PCSK2: variants seen among roughly 807,000 people sequenced by gnomAD.
PCSK2 encodes neuroendocrine convertase 2.
In PCSK2, 14 loss-of-function variants were observed where a neutral mutation model predicts 69.7. The observed-to-expected ratio is 0.20, with a 90% CI of 0.13 to 0.31. The LOEUF is 0.31. Ranked by LOEUF, PCSK2 falls within the 10% of genes least tolerant of loss-of-function variation. The pLI is 1.00. For synonymous variants in PCSK2, 307 were observed against 320.7 expected (o/e 0.96, Z 0.46); for missense variants, 544 against 842.5 (o/e 0.65, Z 4.39).
chr20:17,259,179 T>C (rs958351583), intron 1 of PCSK2, among the ~76,000 whole-genome samples: 12 of 152,170 alleles, frequency 7.9e-5, no homozygotes, highest in Non-Finnish European at 1.8e-4. Context: ...ACCAAAACTT[T>C]CAATAGCCAA....
intron 2 of PCSK2, among the ~76,000 whole-genome samples, chr20:17,341,798 A>G (rs571151974): frequency 6.6e-6 from 1 of 152,210 alleles, no homozygotes; most frequent in Non-Finnish European, 1.5e-5. Context: ...GAATAACCAC[A>G]TGTGCTCTCA....
At chr20:17,236,428 T>A (rs1377861237) in intron 1 of PCSK2, among the ~76,000 whole-genome samples, 1 of 152,160 alleles carries the variant, frequency 6.6e-6, no homozygotes. Context: ...CTTATTTAAT[T>A]ACATAATTCA....
At chr20:17,270,320 G>T (rs17702654) in intron 2 of PCSK2, among the ~76,000 whole-genome samples, 2 of 152,002 alleles carry the variant, frequency 1.3e-5, no homozygotes, top group African/African-American at 4.8e-5. Flanking sequence ...AGGTTTCACG[G>T]TCTTAAAGCC....
chr20:17,479,206 A>G, intron 11 of PCSK2: 2 of 1,371,646 alleles, frequency 1.5e-6, no homozygotes, highest in Non-Finnish European at 2.1e-6. Flanking sequence ...CGAAAGCCAT[A>G]TGCGCTCTTC....
At chr20:17,442,356 C>T (rs2032615584) in intron 8 of PCSK2, among the ~76,000 whole-genome samples, 1 of 151,890 alleles carries the variant, frequency 6.6e-6, no homozygotes, top group African/African-American at 2.4e-5. Context: ...AGTTTGTGGT[C>T]CTTTGGTTGT....
At chr20:17,374,428 C>A (rs1178150981) in intron 5 of PCSK2, among the ~76,000 whole-genome samples, 1 of 152,116 alleles carries the variant, frequency 6.6e-6, no homozygotes, top group African/African-American at 2.4e-5. Context: ...GCTTTCAGGG[C>A]ATGGAGGTGG....
chr20:17,389,923 C>G (rs547304764), intron 5 of PCSK2, among the ~76,000 whole-genome samples: 1 of 152,134 alleles, frequency 6.6e-6, no homozygotes, highest in East Asian at 1.9e-4. Flanking sequence ...AGTATGTACT[C>G]AAGAGAAACA....
chr20:17,258,102 G>A (rs1216131954), intron 1 of PCSK2, among the ~76,000 whole-genome samples: 2 of 152,280 alleles, frequency 1.3e-5, no homozygotes, highest in Non-Finnish European at 2.9e-5. Context: ...CAATTATTTA[G>A]GGATGGAGCT....
At chr20:17,403,850 AG>A (rs1185335933) in intron 5 of PCSK2, among the ~76,000 whole-genome samples, 1 of 152,188 alleles carries the variant, frequency 6.6e-6, no homozygotes, top group East Asian at 1.9e-4. Context: ...AATTTCCTTG[AG>A]GTCGGGTTTG....
At position 17,342,257 on chromosome 20, in the gene PCSK2, A is replaced by G. The variant is rs143600472; in HGVS notation, c.283-16070A>G. ...ATTGTTGAGATGGTGTTATTATTCCATGCTTACTTATTTAGAATGCATTTA... is the reference window on the plus strand; with the variant it reads ...ATTGTTGAGATGGTGTTATTATTCCGTGCTTACTTATTTAGAATGCATTTA... On this transcript the variant is annotated intron_variant, in intron 2 of 11. Transcript: ENST00000262545. 1.2e-4 allele frequency among the ~76,000 whole-genome samples: 18 copies of G among 152,346 alleles called. No homozygotes were observed. In the East Asian group the frequency reaches 3.5e-3, roughly 29 times the overall value.
intron 2 of PCSK2, among the ~76,000 whole-genome samples, chr20:17,292,824 TG>T (rs1281955098): frequency 1.3e-5 from 2 of 152,052 alleles, no homozygotes; most frequent in South Asian, 2.1e-4. Flanking sequence ...TTTTCTGGGG[TG>T]TTTTTTTTTA....
At chr20:17,257,759 AG>A (rs1265668057) in intron 1 of PCSK2, among the ~76,000 whole-genome samples, 2 of 152,222 alleles carry the variant, frequency 1.3e-5, no homozygotes, top group Non-Finnish European at 2.9e-5. Flanking sequence ...AGTCAACTAA[AG>A]GTGAGCACTT....
At chr20:17,333,044 A>G (rs554768628) in intron 2 of PCSK2, among the ~76,000 whole-genome samples, 2 of 152,162 alleles carry the variant, frequency 1.3e-5, no homozygotes, top group South Asian at 2.1e-4. Context: ...AGATTAGATA[A>G]TAGTATTGTA....
chr20:17,318,902 T>A (rs1367548827), intron 2 of PCSK2, among the ~76,000 whole-genome samples: 2 of 151,742 alleles, frequency 1.3e-5, no homozygotes, highest in Non-Finnish European at 2.9e-5. Flanking sequence ...GCAGGATTAT[T>A]CAATTCAGCT....
In PCSK2 at chr20:17,227,366, G is replaced by A. The variant is rs1985962068; in HGVS notation, c.61G>A (p.Val21Ile). 4 of 1,614,022 alleles carry A rather than the reference G, an allele frequency of 2.5e-6. No individual in the cohort carries two copies. The highest frequency in any genetic ancestry group is 1.3e-5 in the African/African-American group (1 of 75,024). The change falls in exon 1 of 12, where the codon GTT becomes ATT. Residue 21 changes from valine to isoleucine, a missense_variant. Physicochemically the swap from Val to Ile is conservative, Grantham distance 29 (BLOSUM62 3). Around this residue, in one of 3 missense-constraint regions of PCSK2, gnomAD observed 157 missense variants for 155.0 expected, o/e 1.01. Transcript: ENST00000262545. ...CGCCGGGTTCCTCTTCTGTGTCATG[G>A]TTTTTGCATCTGCTGAGCGACCGGT... ...AAAGFLFCVMVFASAERPVFT... is the reference protein window; with the variant it reads ...AAAGFLFCVMIFASAERPVFT...
intron 11 of PCSK2, among the ~76,000 whole-genome samples, chr20:17,466,096 A>G (rs2033096320): frequency 6.6e-6 from 1 of 152,194 alleles, no homozygotes; most frequent in Admixed American, 6.5e-5. Context: ...TCAGTGATGT[A>G]TGCCATTATT....
rs2033445988 is a variant in PCSK2, at chr20:17,483,456, T to C, written c.*1386T>C. ...CCAAAGTGACCTACCCAGAGATTGC[T>C]TCTCATCCCCAGTCCCAATGCACAT... is the stretch of plus-strand genomic sequence containing the variant. On this transcript the variant is annotated 3_prime_UTR_variant, in exon 12 of 12. Coordinates refer to ENST00000262545, the MANE Select transcript of PCSK2 (RefSeq NM_002594.5). 6.6e-6 allele frequency: 1 copy of C among 152,290 alleles called. No homozygotes were observed. The highest frequency in any genetic ancestry group is 1.5e-5 in the Non-Finnish European group (1 of 68,102). The allele number at this position is 152,290 out of a possible 1,614,324, so 9.4% of individuals were successfully genotyped here. A position where few individuals can be genotyped will look rare whatever the true frequency, so the allele number is the denominator to read the frequency against.
chr20:17,347,477 T>G (rs1990680672), intron 2 of PCSK2, among the ~76,000 whole-genome samples: 1 of 152,120 alleles, frequency 6.6e-6, no homozygotes, highest in Non-Finnish European at 1.5e-5. Flanking sequence ...TCAATCGCTT[T>G]TGGGGGTTTC....
intron 2 of PCSK2, among the ~76,000 whole-genome samples, chr20:17,293,105 A>C (rs1251265579): frequency 2.6e-5 from 4 of 152,228 alleles, no homozygotes; most frequent in Non-Finnish European, 4.4e-5. Context: ...AATTACAGGC[A>C]TGAGCCACCA....
Sources: gnomAD v4.1 joint callset for allele counts (sites outside exome capture counted in the v4.1 genomes callset) on GRCh38, gnomAD v4.1.1 for gene constraint, gnomAD v4.1.1 regional missense constraint, MANE v1.5 for transcripts, NCBI Gene and HGNC (gene_info 2026-07-23, HGNC 2026-07-21) for gene names.